Variants in SYT1 observed in about 807,000 individuals in gnomAD.
SYT1 encodes synaptotagmin 1.
A neutral mutation model predicts 44.8 loss-of-function variants in SYT1; 8 were observed. The observed-to-expected ratio is 0.18, with a 90% CI of 0.10 to 0.32. The LOEUF (loss-of-function observed/expected upper bound fraction) is 0.32. SYT1 is among the 10% of genes least tolerant of loss of function. The pLI is 1.00. For missense variants in SYT1, 286 were observed against 509.3 expected (o/e 0.56, Z 4.22); for synonymous variants, 154 against 188.8 (o/e 0.82, Z 1.51).
intron 3 of SYT1, among the ~76,000 whole-genome samples, chr12:79,109,350 A>G (rs1352612910): frequency 6.6e-6 from 1 of 152,156 alleles, no homozygotes; most frequent in African/African-American, 2.4e-5. Context: ...TATGTGATGG[A>G]TGTTACTGCT....
At chr12:79,319,977 G>A in intron 8 of SYT1, among the ~76,000 whole-genome samples, 1 of 152,126 alleles carries the variant, frequency 6.6e-6, no homozygotes, top group Non-Finnish European at 1.5e-5. Context: ...TCTCCAAATA[G>A]TATTTAATTA....
chr12:79,235,065 G>A (rs1204009849), intron 4 of SYT1, among the ~76,000 whole-genome samples: 1 of 152,186 alleles, frequency 6.6e-6, no homozygotes, highest in Non-Finnish European at 1.5e-5. Flanking sequence ...AACTCTTTAA[G>A]AGGACATATA....
chr12:79,246,981 A>G (rs2099261035), intron 4 of SYT1, among the ~76,000 whole-genome samples: 1 of 152,220 alleles, frequency 6.6e-6, no homozygotes, highest in Non-Finnish European at 1.5e-5. Context: ...TGTTAGATGG[A>G]TAGAGTGATA....
intron 8 of SYT1, among the ~76,000 whole-genome samples, chr12:79,333,383 T>C (rs1031939757): frequency 2.0e-5 from 3 of 152,246 alleles, no homozygotes; most frequent in East Asian, 1.9e-4. Context: ...TCACCTCCCA[T>C]TGGCCTCACC....
At chr12:79,361,281 T>C (rs904423218) in intron 9 of SYT1, among the ~76,000 whole-genome samples, 1 of 152,196 alleles carries the variant, frequency 6.6e-6, no homozygotes, top group African/African-American at 2.4e-5. Flanking sequence ...ATTTTATTGA[T>C]GATGGAACTG....
chr12:79,186,321 A>G (rs1435239580), intron 3 of SYT1, among the ~76,000 whole-genome samples: 1 of 152,032 alleles, frequency 6.6e-6, no homozygotes, highest in Admixed American at 6.6e-5. Context: ...CTTTGTAAAA[A>G]GTATTCTTAT....
At chr12:78,875,274 G>A (rs1194532871) in intron 1 of SYT1, among the ~76,000 whole-genome samples, 2 of 151,552 alleles carry the variant, frequency 1.3e-5, no homozygotes, top group East Asian at 3.9e-4. Flanking sequence ...GCACCATTTG[G>A]ATGCTGGGGA....
chr12:79,006,144 T>C (rs1346494412), intron 2 of SYT1, among the ~76,000 whole-genome samples: 1 of 152,122 alleles, frequency 6.6e-6, no homozygotes, highest in Non-Finnish European at 1.5e-5. Flanking sequence ...TGACTAAAAA[T>C]ACAATTTCTA....
chr12:79,367,270 T>C (rs1397552013), intron 9 of SYT1, among the ~76,000 whole-genome samples: 1 of 152,124 alleles, frequency 6.6e-6, no homozygotes, highest in Non-Finnish European at 1.5e-5. Context: ...ATCAAGTTAA[T>C]GCCTGGTTGC....
At chr12:79,064,590 T>G (rs916412946) in intron 3 of SYT1, among the ~76,000 whole-genome samples, 1 of 152,160 alleles carries the variant, frequency 6.6e-6, no homozygotes, top group African/African-American at 2.4e-5. Flanking sequence ...CTCTTTTATA[T>G]GTTTTTATAA....
chr12:78,966,579 A>AT (rs1868254992), intron 1 of SYT1, among the ~76,000 whole-genome samples: 1 of 152,174 alleles, frequency 6.6e-6, no homozygotes. Context: ...GATGTATGGC[A>AT]AACATTTCTT....
At chr12:79,068,479 C>T (rs147584824) in intron 3 of SYT1, among the ~76,000 whole-genome samples, 574 of 152,098 alleles carry the variant, frequency 3.8e-3, no homozygotes, top group African/African-American at 0.013. Flanking sequence ...TTCACATATG[C>T]GAAGTGGATA....
chr12:79,301,946 C>T (rs945665586), intron 8 of SYT1, among the ~76,000 whole-genome samples: 1 of 152,062 alleles, frequency 6.6e-6, no homozygotes, highest in African/African-American at 2.4e-5. Context: ...GATGACTAGA[C>T]CCAGTTAGAA....
intron 3 of SYT1, among the ~76,000 whole-genome samples, chr12:79,141,096 A>G (rs764027588): frequency 2.0e-5 from 3 of 152,232 alleles, no homozygotes; most frequent in Non-Finnish European, 4.4e-5. Context: ...CATGTATGCC[A>G]TCTGTTTTCT....
At chr12:79,420,405 T>C (rs1328913693) in intron 9 of SYT1, among the ~76,000 whole-genome samples, 1 of 152,158 alleles carries the variant, frequency 6.6e-6, no homozygotes, top group Non-Finnish European at 1.5e-5. Context: ...TTCCAGTTTA[T>C]GGGTCCCTCC....
intron 3 of SYT1, among the ~76,000 whole-genome samples, chr12:79,173,645 A>G (rs1387384367): frequency 6.6e-6 from 1 of 152,072 alleles, no homozygotes; most frequent in African/African-American, 2.4e-5. Context: ...TATCTGAGAA[A>G]GGCTTAAAAG....
At chr12:79,314,259 G>T (rs1386710497) in intron 8 of SYT1, among the ~76,000 whole-genome samples, 1 of 151,030 alleles carries the variant, frequency 6.6e-6, no homozygotes, top group Admixed American at 6.6e-5. Context: ...GAAAAGCATT[G>T]CTCTGATGAC....
At chr12:79,154,107 AC>A (rs1180452548) in intron 3 of SYT1, among the ~76,000 whole-genome samples, 1 of 152,024 alleles carries the variant, frequency 6.6e-6, no homozygotes, top group African/African-American at 2.4e-5. Flanking sequence ...TTAGGCTGAG[AC>A]CTACTAGCTC....
intron 1 of SYT1, among the ~76,000 whole-genome samples, chr12:78,935,601 C>A (rs533417784): frequency 9.2e-5 from 14 of 152,132 alleles, no homozygotes; most frequent in South Asian, 8.3e-4. Flanking sequence ...GTTACCCTTG[C>A]TTTATGCTGA....
Sources: allele counts gnomAD v4.1 joint callset (sites outside exome capture counted in the v4.1 genomes callset), GRCh38; gene constraint gnomAD v4.1.1; transcripts MANE v1.5; gene names NCBI Gene and HGNC (gene_info 2026-07-23, HGNC 2026-07-21).